ANKS1B: variants seen among roughly 807,000 people sequenced by gnomAD.
The protein encoded by ANKS1B is ankyrin repeat and sterile alpha motif domain containing 1B.
In ANKS1B, 36 loss-of-function variants were observed where a neutral mutation model predicts 148.3. That is an observed-to-expected ratio of 0.24 (90% CI 0.19 to 0.32). ANKS1B has a LOEUF of 0.32. Ranked by LOEUF, ANKS1B falls within the 10% of genes least tolerant of loss-of-function variation. The pLI is 1.00. For missense variants in ANKS1B, 1,157 were observed against 1,542.6 expected (o/e 0.75, Z 4.19); for synonymous variants, 542 against 560.8 (o/e 0.97, Z 0.47).
At chr12:99,506,641 G>A (rs1481726864) in intron 9 of ANKS1B, among the ~76,000 whole-genome samples, 1 of 151,890 alleles carries the variant, frequency 6.6e-6, no homozygotes, top group African/African-American at 2.4e-5. Context: ...CCACAAAGGG[G>A]GGATGGAGAA....
intron 17 of ANKS1B, among the ~76,000 whole-genome samples, chr12:98,943,390 A>G (rs1418623561): frequency 6.6e-6 from 1 of 152,244 alleles, no homozygotes; most frequent in Non-Finnish European, 1.5e-5. Flanking sequence ...CTAATGGCTT[A>G]AAACATTGTA....
intron 8 of ANKS1B, among the ~76,000 whole-genome samples, chr12:99,771,861 G>A (rs899867446): frequency 9.9e-5 from 15 of 152,060 alleles, no homozygotes; most frequent in African/African-American, 3.6e-4. Context: ...CAGTGTCACA[G>A]CTTACTTTAA....
chr12:99,467,545 G>A (rs937363167), intron 10 of ANKS1B, among the ~76,000 whole-genome samples: 2 of 152,160 alleles, frequency 1.3e-5, no homozygotes, highest in Non-Finnish European at 2.9e-5. Flanking sequence ...AAACCCCACT[G>A]TCTCAGCCCA....
intron 12 of ANKS1B, among the ~76,000 whole-genome samples, chr12:99,266,792 C>G (rs2076488293): frequency 6.6e-6 from 1 of 152,132 alleles, no homozygotes; most frequent in Non-Finnish European, 1.5e-5. Flanking sequence ...TCCCTAAAAC[C>G]ATATGAGTCC....
At chr12:98,857,727 AT>A (rs1157491389) in intron 17 of ANKS1B, among the ~76,000 whole-genome samples, 1 of 152,130 alleles carries the variant, frequency 6.6e-6, no homozygotes, top group Non-Finnish European at 1.5e-5. Context: ...TTCAAGAACT[AT>A]TTATGGGGGT....
chr12:99,571,737 T>C (rs1418995874), intron 9 of ANKS1B, among the ~76,000 whole-genome samples: 2 of 152,156 alleles, frequency 1.3e-5, no homozygotes, highest in African/African-American at 2.4e-5. Context: ...GGGATTTCTA[T>C]AGCCAAGTCA....
intron 17 of ANKS1B, among the ~76,000 whole-genome samples, chr12:98,993,085 C>G (rs965109930): frequency 2.0e-4 from 30 of 152,204 alleles, no homozygotes; most frequent in African/African-American, 5.3e-4. Context: ...ATGAAATGCT[C>G]TGAATATCAA....
chr12:99,892,023 A>G (rs2093136872), intron 1 of ANKS1B, among the ~76,000 whole-genome samples: 1 of 152,110 alleles, frequency 6.6e-6, no homozygotes. Flanking sequence ...TGTTTGTTTG[A>G]GATGCAGTCT....
chr12:98,871,146 T>C (rs1279059001), intron 17 of ANKS1B, among the ~76,000 whole-genome samples: 2 of 152,244 alleles, frequency 1.3e-5, no homozygotes, highest in Non-Finnish European at 2.9e-5. Context: ...GTAATGTAAG[T>C]GATCTGCAAA....
chr12:99,311,658 T>A (rs991771461), intron 12 of ANKS1B, among the ~76,000 whole-genome samples: 1 of 152,090 alleles, frequency 6.6e-6, no homozygotes, highest in Admixed American at 6.6e-5. Context: ...ATAATCTACA[T>A]TTTAAAGAAG....
intron 9 of ANKS1B, among the ~76,000 whole-genome samples, chr12:99,601,125 C>T (rs572996982): frequency 2.0e-5 from 3 of 152,148 alleles, no homozygotes; most frequent in South Asian, 4.2e-4. Flanking sequence ...ATGCCTCTAA[C>T]AAGATTTTAA....
At chr12:99,503,422 G>T (rs539690928) in intron 10 of ANKS1B, among the ~76,000 whole-genome samples, 3 of 152,098 alleles carry the variant, frequency 2.0e-5, no homozygotes, top group African/African-American at 7.2e-5. Flanking sequence ...GGGGAAGCAA[G>T]GTCTGTGTTT....
chr12:99,143,119 A>G (rs2071582419), intron 15 of ANKS1B, among the ~76,000 whole-genome samples: 1 of 152,172 alleles, frequency 6.6e-6, no homozygotes, highest in Non-Finnish European at 1.5e-5. Flanking sequence ...GCCAGGCATG[A>G]AACCAGACAT....
chr12:99,852,777 G>A (rs1211727873), intron 1 of ANKS1B, among the ~76,000 whole-genome samples: 1 of 152,232 alleles, frequency 6.6e-6, no homozygotes, highest in Non-Finnish European at 1.5e-5. Context: ...GGAACTGTAA[G>A]TCTACTCGCT....
intron 10 of ANKS1B, among the ~76,000 whole-genome samples, chr12:99,448,202 A>C (rs1263588023): frequency 2.0e-5 from 3 of 152,148 alleles, no homozygotes; most frequent in Non-Finnish European, 2.9e-5. Flanking sequence ...ACTTGTGTCC[A>C]TTAAGAGATG....
intron 12 of ANKS1B, chr12:99,352,146 T>C (rs2091487240): frequency 6.6e-6 from 1 of 151,822 alleles, no homozygotes; most frequent in Admixed American, 6.6e-5. Context: ...TAAAACAAAA[T>C]AAAAACATGT....
chr12:99,014,412 C>T (rs1350930866), intron 17 of ANKS1B, among the ~76,000 whole-genome samples: 5 of 152,018 alleles, frequency 3.3e-5, no homozygotes, highest in South Asian at 2.1e-4. Context: ...TCAAAAACTA[C>T]AAAAACCCTG....
At chr12:98,872,778 A>C (rs1042412427) in intron 17 of ANKS1B, among the ~76,000 whole-genome samples, 1 of 152,132 alleles carries the variant, frequency 6.6e-6, no homozygotes, top group African/African-American at 2.4e-5. Context: ...TTCTGGAGGC[A>C]GGACTTCCAG....
intron 17 of ANKS1B, among the ~76,000 whole-genome samples, chr12:98,913,022 A>G (rs1266935394): frequency 2.0e-5 from 3 of 152,126 alleles, no homozygotes; most frequent in East Asian, 1.9e-4. Context: ...TTATTTCTCC[A>G]CATTTTACAT....
Sources: gnomAD v4.1 joint callset for allele counts (sites outside exome capture counted in the v4.1 genomes callset) on GRCh38, gnomAD v4.1.1 for gene constraint, MANE v1.5 for transcripts, NCBI Gene and HGNC (gene_info 2026-07-23, HGNC 2026-07-21) for gene names.